The following MYO5A variants were observed in gnomAD, a reference collection of about 807,000 sequenced individuals.
MYO5A encodes the protein unconventional myosin-Va.
MYO5A carries 98 observed loss-of-function variants against 249.7 expected under a neutral mutation model. The observed-to-expected ratio is 0.39, with a 90% CI of 0.33 to 0.46. The LOEUF is 0.46. MYO5A is among the 20% of genes least tolerant of loss of function. The probability of loss-of-function intolerance (pLI) is 0.98; values close to 1 mark genes in which losing one functional copy is unlikely to be tolerated. For missense variants in MYO5A, 1,696 were observed against 2,308.8 expected, an observed-to-expected ratio of 0.73 and a Z score of 5.44; for synonymous variants, 778 against 810.6, an observed-to-expected ratio of 0.96 and a Z score of 0.68.
At position 52,501,136 on chromosome 15, in the gene MYO5A, A is replaced by AT. The variant is rs984722445; in HGVS notation, c.27+27643dup. Among the ~76,000 whole-genome samples the AT allele has an allele frequency of 2.2e-4, 33 of 151,548 alleles. No individual in the cohort carries two copies. The South Asian group carries it at 3.5e-3, about 16-fold the overall frequency. On this transcript the variant is annotated intron_variant, in intron 1 of 41. Coordinates refer to ENST00000399233, the MANE Select transcript of MYO5A (RefSeq NM_001382347.1). ...AGGCGCCTCCCACCAGGCCCGGCTA[A>AT]TTTTTTTTGTATTTTTAGTAGAGAT...
At chr15:52,356,816 TTTA>T (rs965578207) in intron 25 of MYO5A, among the ~76,000 whole-genome samples, 5 of 149,536 alleles carry the variant, frequency 3.3e-5, no homozygotes, top group African/African-American at 9.9e-5. Context: ...TTTTTTTTTT[TTTA>T]TTTTCAGGAA....
intron 1 of MYO5A, among the ~76,000 whole-genome samples, chr15:52,473,651 A>T (rs2076527287): frequency 6.6e-6 from 1 of 152,222 alleles, no homozygotes; most frequent in African/African-American, 2.4e-5. Context: ...TTAAACAAGG[A>T]ATCCTTTCCC....
intron 4 of MYO5A, among the ~76,000 whole-genome samples, chr15:52,425,113 CTTTAGA>C (rs906782853): frequency 5.9e-5 from 9 of 152,164 alleles, no homozygotes; most frequent in African/African-American, 2.2e-4. Context: ...TCACACTTTC[CTTTAGA>C]TTTAATTCCC....
At chr15:52,318,684 A>T (rs978161102) in intron 39 of MYO5A, among the ~76,000 whole-genome samples, 1 of 152,212 alleles carries the variant, frequency 6.6e-6, no homozygotes, top group East Asian at 1.9e-4. Flanking sequence ...AGAAATCTTC[A>T]TTATTATAAT....
chr15:52,448,120 C>T (rs922770987), intron 1 of MYO5A, among the ~76,000 whole-genome samples: 1 of 152,222 alleles, frequency 6.6e-6, no homozygotes, highest in African/African-American at 2.4e-5. Context: ...GCACTCAATC[C>T]CAGCCCCTGA....
At chr15:52,467,192 T>C (rs1323195005) in intron 1 of MYO5A, among the ~76,000 whole-genome samples, 2 of 152,110 alleles carry the variant, frequency 1.3e-5, no homozygotes, top group African/African-American at 2.4e-5. Context: ...AGAACAAAAA[T>C]CCTTGAAATG....
At chr15:52,330,012 G>T (rs1185737338) in intron 35 of MYO5A, among the ~76,000 whole-genome samples, 1 of 140,190 alleles carries the variant, frequency 7.1e-6, no homozygotes, top group African/African-American at 2.8e-5. Context: ...TAAAGTACTA[G>T]ACATTGCCAG....
At chr15:52,400,480 C>G (rs1387776499) in intron 9 of MYO5A, among the ~76,000 whole-genome samples, 4 of 152,210 alleles carry the variant, frequency 2.6e-5, no homozygotes, top group African/African-American at 9.6e-5. Flanking sequence ...GTTGGCCTAA[C>G]AGTGCTCTCT....
chr15:52,478,206 C>T (rs1009190124), intron 1 of MYO5A, among the ~76,000 whole-genome samples: 7 of 152,320 alleles, frequency 4.6e-5, no homozygotes, highest in East Asian at 1.9e-4. Context: ...TGGGACCCTC[C>T]GAGCCAGGCG....
At chr15:52,479,575 T>G (rs549098832) in intron 1 of MYO5A, among the ~76,000 whole-genome samples, 2 of 152,196 alleles carry the variant, frequency 1.3e-5, no homozygotes, top group Non-Finnish European at 2.9e-5. Flanking sequence ...AATGGAATAC[T>G]TAAAAAAAAG....
chr15:52,519,618 ATAAT>A (rs754333294), intron 1 of MYO5A, among the ~76,000 whole-genome samples: 1 of 58,036 alleles, frequency 1.7e-5, no homozygotes, highest in East Asian at 5.2e-4. Flanking sequence ...TCTAAAAAAA[ATAAT>A]AATAATAATA....
intron 1 of MYO5A, among the ~76,000 whole-genome samples, chr15:52,441,113 A>C (rs895627822): frequency 2.0e-5 from 3 of 152,166 alleles, no homozygotes; most frequent in African/African-American, 7.2e-5. Context: ...CATGATTACT[A>C]AGTAATTCAT....
intron 1 of MYO5A, among the ~76,000 whole-genome samples, chr15:52,444,977 C>T (rs893214363): frequency 2.6e-5 from 4 of 152,092 alleles, no homozygotes; most frequent in African/African-American, 9.7e-5. Flanking sequence ...AGACAGGTGC[C>T]GGTATGTATT....
chr15:52,336,235 C>T (rs1438914578), intron 34 of MYO5A, among the ~76,000 whole-genome samples: 1 of 152,148 alleles, frequency 6.6e-6, no homozygotes, highest in Non-Finnish European at 1.5e-5. Context: ...TCATTAGATG[C>T]TTACAGAGTA....
chr15:52,506,979 AAGAG>A (rs1259774337), intron 1 of MYO5A, among the ~76,000 whole-genome samples: 5 of 152,246 alleles, frequency 3.3e-5, no homozygotes, highest in Admixed American at 3.3e-4. Context: ...GGATGGAAGA[AAGAG>A]AGTATATATA....
chr15:52,452,621 G>C (rs994829788), intron 1 of MYO5A, among the ~76,000 whole-genome samples: 2 of 151,970 alleles, frequency 1.3e-5, no homozygotes, highest in African/African-American at 2.4e-5. Context: ...CAAATCCCTA[G>C]CCAGCCTTTC....
chr15:52,341,601 T>C (rs1279210276), intron 31 of MYO5A, among the ~76,000 whole-genome samples: 1 of 152,252 alleles, frequency 6.6e-6, no homozygotes, highest in East Asian at 1.9e-4. Flanking sequence ...AGTCCCTTGG[T>C]TGCCAACTGC....
At chr15:52,330,872 C>T (rs2038856446) in intron 34 of MYO5A, among the ~76,000 whole-genome samples, 3 of 152,160 alleles carry the variant, frequency 2.0e-5, no homozygotes, top group Admixed American at 2.0e-4. Context: ...CATATTTTGA[C>T]TTTAATTCAC....
intron 41 of MYO5A, 40 bp from the exon 42 acceptor site, chr15:52,313,888 C>A: frequency 6.2e-7 from 1 of 1,609,344 alleles, no homozygotes; most frequent in Non-Finnish European, 8.5e-7. Flanking sequence ...AGCATCAGTT[C>A]TTTGAATCTA....
Sources: gnomAD v4.1 joint callset for allele counts (sites outside exome capture counted in the v4.1 genomes callset) on GRCh38, gnomAD v4.1.1 for gene constraint, MANE v1.5 for transcripts, NCBI Gene and HGNC (gene_info 2026-07-23, HGNC 2026-07-21) for gene names.